UBR1: variants seen among roughly 807,000 people sequenced by gnomAD.
The protein encoded by UBR1 is ubiquitin protein ligase E3 component n-recognin 1, also known as E3 ubiquitin-protein ligase UBR1.
UBR1 carries 102 observed loss-of-function variants against 242.1 expected under a neutral mutation model. The observed-to-expected ratio is 0.42, with a 90% confidence interval of 0.36 to 0.50. The LOEUF (loss-of-function observed/expected upper bound fraction) is 0.50. Among genes scored for constraint, UBR1 ranks in the 20% least tolerant of loss-of-function variants. The pLI is 0.01. For synonymous variants in UBR1, 675 were observed against 684.8 expected (o/e 0.99, Z 0.22); for missense variants, 1,772 against 2,101.8 (o/e 0.84, Z 3.07).
chr15:43,055,391 C>T (rs142590983), intron 11 of UBR1, among the ~76,000 whole-genome samples: 4 of 151,726 alleles, frequency 2.6e-5, no homozygotes, highest in Non-Finnish European at 4.4e-5. Context: ...TGCAGTGAGC[C>T]GAGATCGTGC....
chr15:43,034,683 C>T (rs1241472712), intron 19 of UBR1, among the ~76,000 whole-genome samples: 8 of 151,672 alleles, frequency 5.3e-5, no homozygotes, highest in Non-Finnish European at 8.8e-5. Flanking sequence ...GTCAGAAGTT[C>T]GAGACCAGCC....
chr15:42,995,197 T>C (rs2032618674), intron 33 of UBR1, among the ~76,000 whole-genome samples: 2 of 152,206 alleles, frequency 1.3e-5, no homozygotes, highest in South Asian at 2.1e-4. Context: ...ATAAAAAAAC[T>C]GATTTAAGGC....
intron 27 of UBR1, among the ~76,000 whole-genome samples, chr15:43,018,260 C>T (rs1015519721): frequency 2.0e-5 from 3 of 152,186 alleles, no homozygotes; most frequent in African/African-American, 2.4e-5. Context: ...CTCAGCCTCC[C>T]AAAGTGCTGG....
At chr15:43,041,476 A>G (rs988576614) in intron 15 of UBR1, among the ~76,000 whole-genome samples, 1 of 151,784 alleles carries the variant, frequency 6.6e-6, no homozygotes, top group African/African-American at 2.4e-5. Context: ...ATGTATAGGG[A>G]CCCCCCTATA....
At chr15:43,025,629 C>A (rs1194356752) in intron 23 of UBR1, 200 bp from the exon 24 acceptor site, 2 of 555,592 alleles carry the variant, frequency 3.6e-6, no homozygotes, top group Non-Finnish European at 6.4e-6. Flanking sequence ...TATCCCTGAT[C>A]AAAAACTTAG....
chr15:43,044,482 A>G (rs563914765), intron 14 of UBR1, among the ~76,000 whole-genome samples: 4 of 152,352 alleles, frequency 2.6e-5, no homozygotes, highest in South Asian at 4.1e-4. Flanking sequence ...ATTAAAGACC[A>G]TTCTTTTAAG....
chr15:43,103,150 G>A (rs1007637674), intron 1 of UBR1, among the ~76,000 whole-genome samples: 11 of 152,114 alleles, frequency 7.2e-5, no homozygotes, highest in Non-Finnish European at 2.9e-5. Context: ...CCTGGGTGAT[G>A]GAGTAGGACT....
At chr15:43,041,649 A>G (rs2033419745) in intron 15 of UBR1, among the ~76,000 whole-genome samples, 1 of 152,176 alleles carries the variant, frequency 6.6e-6, no homozygotes, top group Non-Finnish European at 1.5e-5. Context: ...TGGATATGAC[A>G]CCAAAAGCAC....
chr15:43,078,397 C>T (rs1001900179), intron 3 of UBR1, among the ~76,000 whole-genome samples: 3 of 152,040 alleles, frequency 2.0e-5, no homozygotes, highest in Non-Finnish European at 2.9e-5. Context: ...CCACTAATAT[C>T]ATCAACAAAA....
At chr15:43,013,383 G>A (rs1596100972) in intron 29 of UBR1, among the ~76,000 whole-genome samples, 1 of 152,188 alleles carries the variant, frequency 6.6e-6, no homozygotes, top group East Asian at 1.9e-4. Flanking sequence ...ATTTCTCTAA[G>A]AGCATACCAC....
chr15:43,045,312 TA>T (rs1299751394), intron 14 of UBR1, among the ~76,000 whole-genome samples: 4 of 151,656 alleles, frequency 2.6e-5, no homozygotes, highest in African/African-American at 9.7e-5. Context: ...ATAAAAAAAT[TA>T]AAAATTAGCT....
chr15:43,022,275 C>T (rs2033119982), intron 26 of UBR1, among the ~76,000 whole-genome samples: 1 of 151,886 alleles, frequency 6.6e-6, no homozygotes, highest in Non-Finnish European at 1.5e-5. Context: ...AAGTTGAATA[C>T]AACGCAAAAT....
At chr15:43,088,699 G>A (rs371160269) in intron 1 of UBR1, among the ~76,000 whole-genome samples, 2 of 151,994 alleles carry the variant, frequency 1.3e-5, no homozygotes, top group East Asian at 3.8e-4. Context: ...CTAAGGGTCT[G>A]GAAGGAGAAA....
At chr15:42,959,128 G>T (rs565885663) in intron 43 of UBR1, among the ~76,000 whole-genome samples, 23 of 152,268 alleles carry the variant, frequency 1.5e-4, no homozygotes, top group African/African-American at 4.8e-4. Flanking sequence ...ACGGCGCCTG[G>T]CCCCAATCAA....
chr15:43,049,960 G>GT (rs889243696), intron 12 of UBR1, among the ~76,000 whole-genome samples: 26 of 148,388 alleles, frequency 1.8e-4, no homozygotes, highest in Middle Eastern at 3.4e-3. Context: ...CCCTGCCCCC[G>GT]TTTTTTTTTT....
chr15:42,956,605 C>G (rs890218142), intron 44 of UBR1, among the ~76,000 whole-genome samples: 2 of 152,232 alleles, frequency 1.3e-5, no homozygotes, highest in African/African-American at 4.8e-5. Flanking sequence ...GGATTACAGG[C>G]ATGAGCCACT....
intron 1 of UBR1, among the ~76,000 whole-genome samples, chr15:43,097,618 T>C (rs915070345): frequency 6.6e-6 from 1 of 152,244 alleles, no homozygotes; most frequent in African/African-American, 2.4e-5. Context: ...TCTCCATCAA[T>C]CAGCACTTAC....
intron 1 of UBR1, among the ~76,000 whole-genome samples, chr15:43,099,569 G>A (rs1226433448): frequency 1.3e-5 from 2 of 152,092 alleles, no homozygotes; most frequent in African/African-American, 4.8e-5. Context: ...ACATTTTATT[G>A]TATGTAAATT....
intron 2 of UBR1, among the ~76,000 whole-genome samples, chr15:43,084,272 T>G (rs1167616618): frequency 2.0e-5 from 3 of 152,088 alleles, no homozygotes; most frequent in Non-Finnish European, 2.9e-5. Flanking sequence ...ACACACTAGA[T>G]GCCAGTACCT....
Sources: allele counts gnomAD v4.1 joint callset (sites outside exome capture counted in the v4.1 genomes callset), GRCh38; gene constraint gnomAD v4.1.1; transcripts MANE v1.5; gene names NCBI Gene and HGNC (gene_info 2026-07-23, HGNC 2026-07-21).